Variants in KPNA7 observed in about 807,000 individuals in gnomAD.
KPNA7 encodes karyopherin subunit alpha 7, also known as importin subunit alpha-8.
KPNA7 carries 54 observed loss-of-function variants against 53.7 expected under a neutral mutation model. That is an observed-to-expected ratio of 1.01 (90% CI 0.81 to 1.26). The LOEUF (loss-of-function observed/expected upper bound fraction) is 1.26. Among genes scored for constraint, KPNA7 ranks in the 50% most tolerant of loss-of-function variants. KPNA7 has a pLI of 0.00. For synonymous variants in KPNA7, 276 were observed against 259.3 expected, an observed-to-expected ratio of 1.06 and a Z score of -0.62; for missense variants, 640 against 644.5, an observed-to-expected ratio of 0.99 and a Z score of 0.07.
At chr7:99,163,046 T>G in the KPNA7 span, among the ~76,000 whole-genome samples, 1 of 151,838 alleles carries the variant, frequency 6.6e-6, no homozygotes, top group African/African-American at 2.4e-5. Flanking sequence ...CTGGATGTGG[T>G]GGCACACTCC....
At chr7:99,159,747 C>T in the KPNA7 span, among the ~76,000 whole-genome samples, 2 of 152,170 alleles carry the variant, frequency 1.3e-5, no homozygotes, top group Non-Finnish European at 2.9e-5. Flanking sequence ...ATCAAACCTC[C>T]ATTCAATGCT....
chr7:99,194,375 G>A (rs73401370), intron 5 of KPNA7, among the ~76,000 whole-genome samples: 8,243 of 152,090 alleles, frequency 0.054, 705 homozygotes, highest in African/African-American at 0.18. Flanking sequence ...TTTTTGGCAC[G>A]TTCCCTTAGC....
rs112225309 is a variant in KPNA7 at position 99,185,010 on chromosome 7, G to A, written c.1053C>T (p.Asn351=). The part of the protein sequence containing the change: ...IQKEAAWALS[N]VAAGPCHHIQ... Reference sequence around the variant, plus strand: ...TGTGGTGACAAGGCCCCGCTGCTACGTTGCTCAGGGCCCAGGCTGCCTCCT... The same window carrying A: ...TGTGGTGACAAGGCCCCGCTGCTACATTGCTCAGGGCCCAGGCTGCCTCCT... Residue 351 remains asparagine (N), a synonymous_variant, in exon 8 of 11, where the codon AAC becomes AAT. Transcript: ENST00000327442. 326 of 1,551,884 alleles carry A rather than the reference G, an allele frequency of 2.1e-4. 2 individuals are homozygous for A. In the African/African-American group the frequency reaches 3.8e-3, roughly 18 times the overall value.
intron 3 of KPNA7, among the ~76,000 whole-genome samples, chr7:99,198,650 C>CA (rs1182823693): frequency 3.3e-5 from 5 of 151,954 alleles, no homozygotes; most frequent in Admixed American, 6.6e-5. Context: ...AAGGCATCTA[C>CA]AAAAAACTCA....
the KPNA7 span, among the ~76,000 whole-genome samples, chr7:99,148,846 A>C: frequency 0.02 from 1 of 50 alleles, no homozygotes; most frequent in Non-Finnish European, 0.036. Flanking sequence ...TTAGCCTCCC[A>C]AAAGGGCTAA....
intron 1 of KPNA7, among the ~76,000 whole-genome samples, chr7:99,218,496 C>T (rs1401439457): frequency 6.6e-6 from 1 of 152,104 alleles, no homozygotes; most frequent in Non-Finnish European, 1.5e-5. Flanking sequence ...AGGAGGGGCA[C>T]ATGGCAAGGC....
At chr7:99,150,830 C>A in the KPNA7 span, among the ~76,000 whole-genome samples, 1 of 152,148 alleles carries the variant, frequency 6.6e-6, no homozygotes. Context: ...TACAGTTGTG[C>A]AGAACCCGTA....
chr7:99,192,042 A>G (rs1400056175), intron 6 of KPNA7, among the ~76,000 whole-genome samples: 1 of 152,186 alleles, frequency 6.6e-6, no homozygotes, highest in East Asian at 1.9e-4. Context: ...TCTTCAATCA[A>G]TAACCACAAA....
At chr7:99,182,201 C>G in intron 8 of KPNA7, 136 bp from the exon 9 acceptor site, 1 of 610,112 alleles carries the variant, frequency 1.6e-6, no homozygotes, top group Non-Finnish European at 2.8e-6. Context: ...CCTTGGCTAC[C>G]TGCCTCTAGC....
rs554796491 is a variant in KPNA7, at chr7:99,173,703, C to A, written c.*5G>T. The A allele has an allele frequency of 9.7e-6, 15 of 1,543,194 alleles. No individual in the cohort carries two copies. Among genetic ancestry groups the A allele is most frequent in the Non-Finnish European group, 1.1e-5 (12 of 1,139,532 alleles). ...GGTTGTTGGTTTAGGAGGTAGGGAGCTTGGCTATTTTTTTGCTAAGCATTC... is the reference window on the plus strand; with the variant it reads ...GGTTGTTGGTTTAGGAGGTAGGGAGATTGGCTATTTTTTTGCTAAGCATTC... On this transcript the variant is annotated 3_prime_UTR_variant, in exon 11 of 11. Transcript: ENST00000327442.
At chr7:99,177,425 A>G (rs561384442) in intron 10 of KPNA7, among the ~76,000 whole-genome samples, 1 of 152,092 alleles carries the variant, frequency 6.6e-6, no homozygotes, top group Non-Finnish European at 1.5e-5. Flanking sequence ...TCTACTAAAG[A>G]TTAGCTGGGC....
the KPNA7 span, among the ~76,000 whole-genome samples, chr7:99,163,352 AGT>A: frequency 9.9e-6 from 1 of 101,292 alleles, no homozygotes; most frequent in African/African-American, 3.7e-5. Context: ...TATAAATATG[AGT>A]GTGTGTATAT....
the KPNA7 span, among the ~76,000 whole-genome samples, chr7:99,157,555 C>T: frequency 6.6e-6 from 1 of 152,052 alleles, no homozygotes; most frequent in Admixed American, 6.6e-5. Flanking sequence ...GAATGGGAGC[C>T]CAGGTTGATT....
chr7:99,205,091 C>T (rs944691983), intron 2 of KPNA7, among the ~76,000 whole-genome samples: 2 of 151,950 alleles, frequency 1.3e-5, no homozygotes, highest in Non-Finnish European at 2.9e-5. Context: ...TCCTAGAAGC[C>T]GGACAGCTTC....
At chr7:99,195,717 G>A (rs1371706158) in intron 4 of KPNA7, among the ~76,000 whole-genome samples, 1 of 152,034 alleles carries the variant, frequency 6.6e-6, no homozygotes. Context: ...GAGAAAAAAA[G>A]AACCTCCTTT....
chr7:99,147,988 G>C, the KPNA7 span, among the ~76,000 whole-genome samples: 8 of 149,944 alleles, frequency 5.3e-5, no homozygotes, highest in South Asian at 1.5e-3. Flanking sequence ...CTGCATTCCA[G>C]TCTAGATCAC....
chr7:99,169,586 C>T (rs539760654), downstream of KPNA7, among the ~76,000 whole-genome samples: 1 of 152,228 alleles, frequency 6.6e-6, no homozygotes, highest in South Asian at 2.1e-4. Flanking sequence ...CACTGCACTC[C>T]AGCCTGGGCG....
At chr7:99,212,213 G>A (rs1038174959), upstream of KPNA7, among the ~76,000 whole-genome samples, 2 of 149,232 alleles carry the variant, frequency 1.3e-5, no homozygotes, top group African/African-American at 2.5e-5. Context: ...GGAAACACTG[G>A]TGTCCGATCC....
chr7:99,203,289 C>T (rs1790644354), intron 2 of KPNA7, 49 bp from the exon 3 acceptor site: 2 of 1,527,860 alleles, frequency 1.3e-6, no homozygotes, highest in Admixed American at 2.0e-5. Flanking sequence ...GTGGGGATGT[C>T]ACATTTAGTC....
Sources: allele counts gnomAD v4.1 joint callset (sites outside exome capture counted in the v4.1 genomes callset), GRCh38; gene constraint gnomAD v4.1.1; transcripts MANE v1.5; gene names NCBI Gene and HGNC (gene_info 2026-07-23, HGNC 2026-07-21).